RRP15: variants seen among roughly 807,000 people sequenced by gnomAD.
RRP15 encodes the protein RRP15-like protein.
A neutral mutation model predicts 27.1 loss-of-function variants in RRP15; 18 were observed. That is an observed-to-expected ratio of 0.66 (90% CI 0.46 to 0.98). RRP15 has a LOEUF of 0.98. Ranked by LOEUF, RRP15 falls within the 50% of genes least tolerant of loss-of-function variation. RRP15 has a pLI of 0.00. For synonymous variants in RRP15, 107 were observed against 109.4 expected (o/e 0.98, Z 0.14); for missense variants, 359 against 337.8 (o/e 1.06, Z -0.49).
chr1:218,297,432 C>T (rs1655738405), intron 1 of RRP15, among the ~76,000 whole-genome samples: 1 of 152,112 alleles, frequency 6.6e-6, no homozygotes, highest in East Asian at 1.9e-4. Context: ...GTGGTGCTTA[C>T]TAAGGGGTAG....
rs1268932742 is a variant in RRP15, at chr1:218,332,625, G to GA, written c.*1536dup. ...GTTACAGTATTATATGACTAAAGCT[G>GA]AATCAGTCTGTGGCCTGGTATTTGT... is the stretch of plus-strand genomic sequence containing the variant. On this transcript the variant is annotated 3_prime_UTR_variant, in exon 5 of 5. Transcript: ENST00000366932. 6.6e-6 allele frequency: 1 copy of GA among 152,096 alleles called. No homozygotes were observed. The highest frequency in any genetic ancestry group is 1.9e-4 in the East Asian group (1 of 5,190). 9.4% of individuals were successfully genotyped at this position (152,096 alleles called of 1,614,324 possible).
intron 4 of RRP15, among the ~76,000 whole-genome samples, chr1:218,310,849 A>C (rs1026662728): frequency 1.3e-5 from 2 of 152,026 alleles, no homozygotes; most frequent in Non-Finnish European, 2.9e-5. Flanking sequence ...CCTGGGTTCA[A>C]GCGATTCTCC....
chr1:218,291,932 G>T (rs1655649218), intron 1 of RRP15, among the ~76,000 whole-genome samples: 1 of 151,390 alleles, frequency 6.6e-6, no homozygotes, highest in African/African-American at 2.4e-5. Flanking sequence ...TAACCTCCCA[G>T]GCTCAAGCAG....
chr1:218,296,280 G>T (rs1306302320), intron 1 of RRP15, among the ~76,000 whole-genome samples: 2 of 152,046 alleles, frequency 1.3e-5, no homozygotes, highest in Admixed American at 6.6e-5. Flanking sequence ...TTGCCTTTTT[G>T]ACTTTGAGCA....
At chr1:218,318,609 T>G (rs1464984443) in intron 4 of RRP15, among the ~76,000 whole-genome samples, 1 of 152,240 alleles carries the variant, frequency 6.6e-6, no homozygotes, top group Admixed American at 6.5e-5. Context: ...GTTAAACTTT[T>G]TTTGCCATAA....
chr1:218,303,293 A>G (rs1015239862), intron 2 of RRP15, among the ~76,000 whole-genome samples: 5 of 152,214 alleles, frequency 3.3e-5, no homozygotes, highest in Admixed American at 2.0e-4. Flanking sequence ...ACTAATTCCC[A>G]AAGTCACTTC....
At chr1:218,321,253 T>C (rs1296562212) in intron 4 of RRP15, among the ~76,000 whole-genome samples, 1 of 152,242 alleles carries the variant, frequency 6.6e-6, no homozygotes, top group African/African-American at 2.4e-5. Context: ...GTGGGGACTG[T>C]TTGTTTCCTT....
intron 4 of RRP15, among the ~76,000 whole-genome samples, chr1:218,308,842 T>TTTAATA (rs1655943614): frequency 6.6e-6 from 1 of 152,222 alleles, no homozygotes; most frequent in African/African-American, 2.4e-5. Flanking sequence ...GTTCAAAGGC[T>TTTAATA]TTAATAGGCT....
intron 4 of RRP15, among the ~76,000 whole-genome samples, chr1:218,315,110 A>AT (rs1265397035): frequency 6.6e-6 from 1 of 151,498 alleles, no homozygotes. Context: ...ATTTTTTCTG[A>AT]TTTTGTGGTA....
intron 4 of RRP15, 58 bp downstream of exon 4, chr1:218,307,690 G>A: frequency 5.1e-6 from 6 of 1,168,094 alleles, no homozygotes; most frequent in Non-Finnish European, 7.5e-6. Context: ...AACTAGTCTT[G>A]AGATGGAAAA....
chr1:218,315,734 G>A (rs1452571652), intron 4 of RRP15, among the ~76,000 whole-genome samples: 1 of 151,986 alleles, frequency 6.6e-6, no homozygotes. Context: ...GGGATTACAG[G>A]CTTGAGCCAC....
chr1:218,294,516 C>T (rs1270913143), intron 1 of RRP15, among the ~76,000 whole-genome samples: 1 of 152,132 alleles, frequency 6.6e-6, no homozygotes, highest in Non-Finnish European at 1.5e-5. Flanking sequence ...AAGCATATTA[C>T]AGAGGATACA....
In RRP15 at chr1:218,334,346, A is replaced by C. The variant is rs1656417601; in HGVS notation, c.*3255A>C. ...TAAAGTCACTCAGTAGGAGGTTCTCAAAGGTCTATTTGAAGGCAATCCAAT... is the reference window on the plus strand; with the variant it reads ...TAAAGTCACTCAGTAGGAGGTTCTCCAAGGTCTATTTGAAGGCAATCCAAT... On this transcript the variant is annotated 3_prime_UTR_variant, in exon 5 of 5. Coordinates refer to ENST00000366932, the MANE Select transcript of RRP15 (RefSeq NM_016052.4). 1 of 152,196 alleles carries C rather than the reference A, an allele frequency of 6.6e-6. No homozygotes were observed. Among genetic ancestry groups the C allele is most frequent in the African/African-American group, 2.4e-5 (1 of 41,448 alleles). The allele number at this position is 152,196 out of a possible 1,614,324, so 9.4% of individuals were successfully genotyped here.
chr1:218,287,085 T>TC, intron 1 of RRP15, among the ~76,000 whole-genome samples: 1 of 150,918 alleles, frequency 6.6e-6, no homozygotes, highest in Non-Finnish European at 1.5e-5. Flanking sequence ...TGCTTCAGCT[T>TC]CCCCAGGTAG....
chr1:218,285,377 A>G lies in RRP15; in HGVS notation c.61A>G (p.Lys21Glu), dbSNP rs1414467623. The change falls in exon 1 of 5, where the codon AAG (lysine) becomes GAG (glutamate). Residue 21 changes from lysine (K) to glutamate (E), a missense_variant. By Grantham distance (56) the Lys-to-Glu change is moderately conservative. Transcript: ENST00000366932. ...GGAAGAAAACCTGAAAAAGACCCCA[A>G]AGAAGAAGATGAAAATGGTAACTGG... ...SEEENLKKTP[K>E]KKMKMVTGAV... 9 of 1,613,244 alleles carry G rather than the reference A, an allele frequency of 5.6e-6. 1 individual carries two copies. In the South Asian group the frequency reaches 8.8e-5, roughly 16 times the overall value.
intron 1 of RRP15, 43 bp downstream of exon 1, chr1:218,285,498 G>A (rs780941983): frequency 1.9e-6 from 3 of 1,610,416 alleles, no homozygotes; most frequent in African/African-American, 2.7e-5. Context: ...GAGGAAAGGC[G>A]GGGCTGAGTT....
At chr1:218,328,065 G>T (rs1656302298) in intron 4 of RRP15, among the ~76,000 whole-genome samples, 1 of 152,192 alleles carries the variant, frequency 6.6e-6, no homozygotes. Flanking sequence ...TTCAAGTTAT[G>T]CAGATAATGC....
At position 218,307,431 on chromosome 1, in the gene RRP15, G is replaced by T; in HGVS notation, c.504G>T (p.Arg168Ser). The T allele has an allele frequency of 6.2e-7, 1 of 1,611,872 alleles. No homozygotes were observed. Residue 168 changes from arginine to serine, a missense_variant and splice_region_variant, in exon 4 of 5, where the codon AGG (arginine) becomes AGT (serine). Physicochemically the swap from Arg to Ser is moderately radical, Grantham distance 110. Transcript: ENST00000366932. ...TERNLQRIAT[R>S]GVVQLFNAVQ... ...ATTCTGGTCATTTTATATTCTACAG[G>T]GGTGTGGTGCAATTATTTAATGCTG...
intron 4 of RRP15, among the ~76,000 whole-genome samples, chr1:218,311,407 A>G (rs1174772509): frequency 1.3e-5 from 2 of 152,190 alleles, no homozygotes; most frequent in Non-Finnish European, 2.9e-5. Flanking sequence ...ATAATATACA[A>G]TAATAATACT....
Sources: allele counts gnomAD v4.1 joint callset (sites outside exome capture counted in the v4.1 genomes callset), GRCh38; gene constraint gnomAD v4.1.1; transcripts MANE v1.5; gene names NCBI Gene and HGNC (gene_info 2026-07-23, HGNC 2026-07-21).